FARP1: variants seen among roughly 807,000 people sequenced by gnomAD.
FARP1 encodes FERM, ARH/RhoGEF and pleckstrin domain protein 1, also known as FERM, ARHGEF and pleckstrin domain-containing protein 1.
In FARP1, 52 loss-of-function variants were observed where a neutral mutation model predicts 128.8. The observed-to-expected ratio is 0.40, with a 90% CI of 0.32 to 0.51. The LOEUF (loss-of-function observed/expected upper bound fraction) is 0.51, where lower values mean the gene tolerates loss of function less well. Ranked by LOEUF, FARP1 falls within the 20% of genes least tolerant of loss-of-function variation. The pLI is 0.45. For missense variants in FARP1, 1,333 were observed against 1,367.9 expected (o/e 0.97, Z 0.40); for synonymous variants, 580 against 551.8 (o/e 1.05, Z -0.72).
intron 1 of FARP1, among the ~76,000 whole-genome samples, chr13:98,195,506 T>C (rs1879516101): frequency 6.6e-6 from 1 of 152,128 alleles, no homozygotes; most frequent in African/African-American, 2.4e-5. Flanking sequence ...GTGCCCTGGG[T>C]GTGTTTAGTT....
chr13:98,369,134 A>G (rs1212979129), intron 5 of FARP1, among the ~76,000 whole-genome samples: 8 of 152,074 alleles, frequency 5.3e-5, no homozygotes, highest in Non-Finnish European at 1.5e-5. Context: ...CATGTTGGCC[A>G]GACTGGTCTC....
At chr13:98,221,469 T>G (rs1844934209) in intron 2 of FARP1, among the ~76,000 whole-genome samples, 1 of 152,186 alleles carries the variant, frequency 6.6e-6, no homozygotes, top group South Asian at 2.1e-4. Flanking sequence ...CAAAGCTGTG[T>G]CCCAAGGGGC....
At chr13:98,204,149 A>G (rs1016129918) in intron 1 of FARP1, 1 of 152,246 alleles carries the variant, frequency 6.6e-6, no homozygotes, top group African/African-American at 2.4e-5. Context: ...AACCCTGACG[A>G]TCAATGGGGT....
rs573046461 is a variant in FARP1 at position 98,229,304 on chromosome 13, C to T, written c.171+15891C>T. Among the ~76,000 whole-genome samples the T allele has an allele frequency of 5.3e-5, 8 of 152,282 alleles. 1 individual carries two copies. The highest frequency in any genetic ancestry group is 1.9e-4 in the African/African-American group (8 of 41,562). ...TTGTGTTGTAGCATTTGGAAACTTG[C>T]AGTGTGGGATTTTTTTGCAAGAAAT... On this transcript the variant is annotated intron_variant, in intron 2 of 26. Coordinates refer to ENST00000319562, the MANE Select transcript of FARP1 (RefSeq NM_005766.4).
At chr13:98,414,403 A>G (rs925544418) in intron 16 of FARP1, among the ~76,000 whole-genome samples, 3 of 152,208 alleles carry the variant, frequency 2.0e-5, no homozygotes, top group African/African-American at 7.2e-5. Flanking sequence ...CAGTGAAGTT[A>G]AGCTAATCAA....
intron 2 of FARP1, among the ~76,000 whole-genome samples, chr13:98,238,593 CAAAG>C (rs1371969979): frequency 6.6e-6 from 1 of 152,110 alleles, no homozygotes; most frequent in African/African-American, 2.4e-5. Flanking sequence ...TGGTGGCAGG[CAAAG>C]AGAGAGTGTG....
rs58097403 is a variant in FARP1 at position 98,278,172 on chromosome 13, A to AGTGTGTGTGTGT, written c.171+64766_171+64777dup. On this transcript the variant is annotated intron_variant, in intron 2 of 26. Coordinates refer to ENST00000319562, the MANE Select transcript of FARP1 (RefSeq NM_005766.4). Reference sequence around the variant, plus strand: ...TCCAGGGTGTGTGTATGAGTGAGTGAGTGTGTGTGTGTGTGTGTATGTTCT... The same window carrying AGTGTGTGTGTGT: ...TCCAGGGTGTGTGTATGAGTGAGTGAGTGTGTGTGTGTGTGTGTGTGTGTGTGTGTATGTTCT... Among the ~76,000 whole-genome samples, 188 of 149,966 alleles carry AGTGTGTGTGTGT rather than the reference A, an allele frequency of 1.3e-3. 1 individual carries two copies. The highest frequency in any genetic ancestry group is 3.2e-3 in the African/African-American group (131 of 40,916).
At chr13:98,385,569 T>C in intron 7 of FARP1, 98 bp from the exon 8 acceptor site, 2 of 1,339,850 alleles carry the variant, frequency 1.5e-6, no homozygotes, top group Non-Finnish European at 1.1e-6. Flanking sequence ...TGTGATGAAA[T>C]GCCTTTGTAT....
intron 2 of FARP1, among the ~76,000 whole-genome samples, chr13:98,262,227 G>A (rs1883919746): frequency 6.7e-6 from 1 of 148,292 alleles, no homozygotes. Context: ...ACCATGTTGT[G>A]TAGGCTGGTC....
intron 1 of FARP1, among the ~76,000 whole-genome samples, chr13:98,206,178 TG>T (rs1880252326): frequency 5.1e-4 from 1 of 1,954 alleles, no homozygotes; most frequent in East Asian, 0.036. Flanking sequence ...GACTTGAGGT[TG>T]TGTGTGTGTG....
At chr13:98,235,078 C>T (rs1882339859) in intron 2 of FARP1, among the ~76,000 whole-genome samples, 1 of 152,162 alleles carries the variant, frequency 6.6e-6, no homozygotes, top group Non-Finnish European at 1.5e-5. Context: ...TCTCTCCTGA[C>T]CTTGATGGCA....
chr13:98,420,615 C>A (rs571981293), intron 16 of FARP1, among the ~76,000 whole-genome samples: 2 of 152,134 alleles, frequency 1.3e-5, no homozygotes, highest in Admixed American at 1.3e-4. Context: ...AGCAACCAGG[C>A]AGCTTCTTAG....
intron 1 of FARP1, among the ~76,000 whole-genome samples, chr13:98,186,169 C>T (rs567325374): frequency 6.6e-6 from 1 of 152,190 alleles, no homozygotes; most frequent in Non-Finnish European, 1.5e-5. Flanking sequence ...TGCAATGGCA[C>T]GATCTTGGCT....
chr13:98,157,119 G>T (rs1876546990), intron 1 of FARP1, among the ~76,000 whole-genome samples: 2 of 152,186 alleles, frequency 1.3e-5, no homozygotes, highest in Non-Finnish European at 2.9e-5. Flanking sequence ...ATGCTCACTT[G>T]TAAAAGTAGT....
chr13:98,348,430 G>C (rs1292050787), intron 3 of FARP1, among the ~76,000 whole-genome samples: 1 of 152,272 alleles, frequency 6.6e-6, no homozygotes, highest in Non-Finnish European at 1.5e-5. Flanking sequence ...GAAAGGGCCA[G>C]AAAGCCATTA....
At chr13:98,175,266 T>C (rs930529879) in intron 1 of FARP1, among the ~76,000 whole-genome samples, 18 of 152,338 alleles carry the variant, frequency 1.2e-4, no homozygotes, top group Admixed American at 8.5e-4. Context: ...TGTGAGGAAC[T>C]CAGCGTGGAT....
rs1893176062 is a variant in FARP1 at position 98,451,212 on chromosome 13, AG to A, written c.*2897del. 1 of 152,228 alleles carries A rather than the reference AG, an allele frequency of 6.6e-6. No homozygotes were observed. Among genetic ancestry groups the A allele is most frequent in the African/African-American group, 2.4e-5 (1 of 41,454 alleles). 9.4% of individuals were successfully genotyped at this position (152,228 alleles called of 1,614,324 possible). On this transcript the variant is annotated 3_prime_UTR_variant, in exon 27 of 27. Transcript: ENST00000319562. ...GTCCGCCCTGGCTCACTTAAAAATC[AG>A]GTAACGGCACACCCTGGGGAACACA...
At position 98,446,165 on chromosome 13, in the gene FARP1, T is replaced by G; in HGVS notation, c.2864T>G (p.Val955Gly). The change falls in exon 25 of 27, where the codon GTG becomes GGG. Residue 955 changes from valine to glycine, a missense_variant. Val to Gly is a moderately radical substitution (Grantham distance 109, BLOSUM62 -3). This residue lies in a region of FARP1 where 1,009 missense variants were observed against 969.8 expected (regional missense o/e 1.04). Transcript: ENST00000319562. ...NSNGWQKLWV[V>G]FTNFCLFFYK... ...AACGGGTGGCAGAAGCTGTGGGTGG[T>G]GTTCACAAACTTCTGCCTGTTCTTC... 1.2e-6 allele frequency: 2 copies of G among 1,613,972 alleles called. No homozygotes were observed. The highest frequency in any genetic ancestry group is 2.2e-5 in the South Asian group (2 of 91,064).
intron 2 of FARP1, among the ~76,000 whole-genome samples, chr13:98,284,797 G>A (rs1244020445): frequency 6.6e-6 from 1 of 152,192 alleles, no homozygotes; most frequent in Non-Finnish European, 1.5e-5. Flanking sequence ...TGAGTGAAGT[G>A]TTGGATTAAA....
Sources: gnomAD v4.1 joint callset for allele counts (sites outside exome capture counted in the v4.1 genomes callset) on GRCh38, gnomAD v4.1.1 for gene constraint, gnomAD v4.1.1 regional missense constraint, MANE v1.5 for transcripts, NCBI Gene and HGNC (gene_info 2026-07-23, HGNC 2026-07-21) for gene names.